Variants in USP36 observed in about 807,000 individuals in gnomAD.
The protein encoded by USP36 is ubiquitin carboxyl-terminal hydrolase 36.
Under a neutral mutation model 111.5 loss-of-function variants are expected in USP36, and 59 were observed. The ratio of observed to expected loss-of-function variants is 0.53; its 90% confidence interval spans 0.43 to 0.66. The LOEUF is 0.66. USP36 is among the 30% of genes least tolerant of loss of function. The pLI is 0.00. For missense variants in USP36, 1,488 were observed against 1,468.0 expected, an observed-to-expected ratio of 1.01 and a Z score of -0.22; for synonymous variants, 628 against 581.0, an observed-to-expected ratio of 1.08 and a Z score of -1.16.
rs550886026 is a variant in USP36 at position 78,833,981 on chromosome 17, T to G, written c.475+1299A>C. Among the ~76,000 whole-genome samples the G allele has an allele frequency of 6.4e-4, 98 of 152,272 alleles. No individual in the cohort carries two copies. In the Middle Eastern group the frequency reaches 0.024, roughly 37 times the overall value. ...ATAGAAATTGGCTGGGCACAGTGGT[T>G]CACACCTGTAATCCCAGCACTTTAG... On this transcript the variant is annotated intron_variant, in intron 4 of 20. Coordinates refer to ENST00000449938, the MANE Select transcript of USP36 (RefSeq NM_001385174.1).
chr17:78,791,622 T>A (rs1217962922), downstream of USP36, among the ~76,000 whole-genome samples: 1 of 152,094 alleles, frequency 6.6e-6, no homozygotes. Context: ...ATGCCTGGAG[T>A]GCTTTCTGAG....
Position 78,798,880 on chromosome 17 carries a change from A to G in USP36, c.3240+28T>C, listed in dbSNP as rs2144913576. 6.2e-7 allele frequency: 1 copy of G among 1,612,980 alleles called. No homozygotes were observed. The highest frequency in any genetic ancestry group is 8.5e-7 in the Non-Finnish European group (1 of 1,179,254). Reference sequence around the variant, plus strand: ...TGAGCCACGCCGCCCTGCTCCCTCAAGCCTGTGGTCAGCATCACACATCAT... The same window carrying G: ...TGAGCCACGCCGCCCTGCTCCCTCAGGCCTGTGGTCAGCATCACACATCAT... On this transcript the variant is annotated intron_variant, in intron 19 of 20. Transcript: ENST00000449938. This position sits in a 1 kb window ranked among gnomAD's most constrained non-coding sequence, Gnocchi z 5.1.
At chr17:78,817,429 G>A (rs1485898202) in intron 10 of USP36, among the ~76,000 whole-genome samples, 2 of 152,170 alleles carry the variant, frequency 1.3e-5, no homozygotes, top group African/African-American at 4.8e-5. Context: ...CACATAACCA[G>A]GCTCTCAGAA....
chr17:78,806,311 A>C (rs1435414094), intron 14 of USP36, 25 bp from the exon 15 acceptor site: 1 of 1,613,232 alleles, frequency 6.2e-7, no homozygotes, highest in East Asian at 2.2e-5. Context: ...ATAAATAAAA[A>C]CTTGGTGGTC....
At chr17:78,802,682 C>A in intron 16 of USP36, 147 bp from the exon 17 acceptor site, 1 of 774,296 alleles carries the variant, frequency 1.3e-6, no homozygotes, top group Admixed American at 2.7e-5. Flanking sequence ...TCCCCCCACA[C>A]GCATTAGCGG....
chr17:78,817,176 A>G (rs549958059), intron 10 of USP36, among the ~76,000 whole-genome samples: 2 of 152,310 alleles, frequency 1.3e-5, no homozygotes, highest in East Asian at 1.9e-4. Flanking sequence ...GTGGCCTAGG[A>G]GCAATGGGCT....
intron 9 of USP36, 66 bp downstream of exon 9, chr17:78,819,864 T>C (rs1236560543): frequency 5.2e-6 from 8 of 1,533,908 alleles, no homozygotes; most frequent in South Asian, 1.1e-5. Context: ...GGCACAACAC[T>C]GTCAGGTGAG....
At chr17:78,834,997 G>GTGTA (rs968867639) in intron 4 of USP36, among the ~76,000 whole-genome samples, 31 of 141,438 alleles carry the variant, frequency 2.2e-4, no homozygotes, top group East Asian at 6.0e-4. Flanking sequence ...AATAATATTT[G>GTGTA]TATATATATA....
chr17:78,801,555 G>A (rs928349045), intron 17 of USP36, among the ~76,000 whole-genome samples: 1 of 152,064 alleles, frequency 6.6e-6, no homozygotes, highest in Non-Finnish European at 1.5e-5. Context: ...GTTCTGTGGC[G>A]GGTGCCTGCC....
At chr17:78,793,655 AC>A (rs749726358), downstream of USP36, among the ~76,000 whole-genome samples, 3 of 152,134 alleles carry the variant, frequency 2.0e-5, no homozygotes, top group Non-Finnish European at 4.4e-5. Flanking sequence ...TCCTTGGCGT[AC>A]CCACATCCTC....
At chr17:78,831,474 G>A (rs2068103508) in intron 4 of USP36, among the ~76,000 whole-genome samples, 1 of 151,594 alleles carries the variant, frequency 6.6e-6, no homozygotes, top group Admixed American at 6.6e-5. Flanking sequence ...TTAGCCGTGT[G>A]TGGTGGCAGT....
chr17:78,805,481 C>T (rs1341978656), intron 15 of USP36, among the ~76,000 whole-genome samples: 1 of 152,154 alleles, frequency 6.6e-6, no homozygotes, highest in African/African-American at 2.4e-5. Context: ...AGCGCCGAGG[C>T]CACCAGTACA....
Position 78,812,946 on chromosome 17 carries a change from A to G in USP36, c.1321T>C (p.Ser441Pro), listed in dbSNP as rs762593172. 1.7e-5 allele frequency: 27 copies of G among 1,613,918 alleles called. No homozygotes were observed. In the Middle Eastern group the frequency reaches 9.9e-4, roughly 59 times the overall value. ...EGLISRTGSSSLPGRPSVIPD... is the reference protein window; with the variant it reads ...EGLISRTGSSPLPGRPSVIPD... ...ATCACACTCGGGCGGCCGGGAAGGG[A>G]GGAGGAGCCTGTCCTGGAGATGAGG... is the stretch of plus-strand genomic sequence containing the variant. The change falls in exon 13 of 21, where the codon TCC (serine) becomes CCC (proline). Residue 441 changes from serine (S) to proline (P), a missense_variant. Ser to Pro is a moderately conservative substitution (Grantham distance 74). Around this residue, in one of 3 missense-constraint regions of USP36, gnomAD observed 1,073 missense variants for 994.1 expected, o/e 1.08. Coordinates refer to ENST00000449938, the MANE Select transcript of USP36 (RefSeq NM_001385174.1).
intron 6 of USP36, among the ~76,000 whole-genome samples, chr17:78,823,835 A>G (rs2094388044): frequency 6.6e-6 from 1 of 152,208 alleles, no homozygotes; most frequent in Non-Finnish European, 1.5e-5. Flanking sequence ...CCAACCATGA[A>G]AGTGCACTGC....
chr17:78,798,532 A>G lies in USP36; in HGVS notation c.3260T>C (p.Phe1087Ser). ...DRGKEKKIKK[F>S]KREKRRNFNA... is the part of the protein sequence containing the mutation. ...GAAGTTTCTCCTCTTCTCTCTCTTAAATTTTTTAATTTTCTTTTCCTAGAC... is the reference window on the plus strand; with the variant it reads ...GAAGTTTCTCCTCTTCTCTCTCTTAGATTTTTTAATTTTCTTTTCCTAGAC... Residue 1087 changes from phenylalanine (F) to serine (S), a missense_variant, in exon 20 of 21, where the codon TTT becomes TCT. By Grantham distance (155) the Phe-to-Ser change is radical. Coordinates refer to ENST00000449938, the MANE Select transcript of USP36 (RefSeq NM_001385174.1). The surrounding 1 kb of genome is among the most constrained non-coding windows in gnomAD (Gnocchi z 5.1). 3 of 1,613,778 alleles carry G rather than the reference A, an allele frequency of 1.9e-6. No homozygotes were observed. The highest frequency in any genetic ancestry group is 2.5e-6 in the Non-Finnish European group (3 of 1,179,982).
intron 13 of USP36, among the ~76,000 whole-genome samples, chr17:78,809,143 CT>C (rs531239856): frequency 1.3e-5 from 2 of 152,216 alleles, no homozygotes; most frequent in East Asian, 3.9e-4. Context: ...AAATGTTAAC[CT>C]TTTGTTGACA....
intron 13 of USP36, among the ~76,000 whole-genome samples, chr17:78,810,553 T>C (rs1384170996): frequency 6.6e-6 from 1 of 152,188 alleles, no homozygotes; most frequent in Non-Finnish European, 1.5e-5. Context: ...GTGTTGGAAT[T>C]ACAGACATGA....
chr17:78,818,808 G>A (rs945444549), intron 9 of USP36, 30 bp from the exon 10 acceptor site: 1 of 1,608,592 alleles, frequency 6.2e-7, no homozygotes. Flanking sequence ...AAAGATTAAT[G>A]AATGATTGAT....
chr17:78,811,113 A>G (rs1395786134), intron 13 of USP36, among the ~76,000 whole-genome samples: 1 of 142,978 alleles, frequency 7.0e-6, no homozygotes. Flanking sequence ...CCTCAGTGAC[A>G]GAGCGAGACT....
Sources: allele counts gnomAD v4.1 joint callset (sites outside exome capture counted in the v4.1 genomes callset), GRCh38; gene constraint gnomAD v4.1.1; regional missense constraint gnomAD v4.1.1; non-coding constraint Gnocchi (gnomAD v3.1); transcripts MANE v1.5; gene names NCBI Gene and HGNC (gene_info 2026-07-23, HGNC 2026-07-21).